Variants in ZNF713 observed in about 807,000 individuals in gnomAD.
ZNF713 encodes the protein zinc finger protein 713.
A neutral mutation model predicts 28.7 loss-of-function variants in ZNF713; 21 were observed. The observed-to-expected ratio is 0.73, with a 90% CI of 0.52 to 1.05. The LOEUF is 1.05. Among genes scored for constraint, ZNF713 ranks in the 50% least tolerant of loss-of-function variants. The pLI, the probability that ZNF713 is intolerant of heterozygous loss-of-function variation, is 0.00. For synonymous variants in ZNF713, 167 were observed against 178.0 expected (o/e 0.94, Z 0.49); for missense variants, 458 against 532.4 (o/e 0.86, Z 1.37).
chr7:55,930,078 T>G (rs1158600485), intron 6 of ZNF713, among the ~76,000 whole-genome samples: 1 of 151,968 alleles, frequency 6.6e-6, no homozygotes, highest in Admixed American at 6.6e-5. Context: ...CTTTTTTTTT[T>G]GAAATAGAGT....
At chr7:55,936,416 C>T (rs1786346890) in intron 6 of ZNF713, among the ~76,000 whole-genome samples, 1 of 152,052 alleles carries the variant, frequency 6.6e-6, no homozygotes, top group South Asian at 2.1e-4. Context: ...CAGAATTCTC[C>T]CCACCCAGTT....
At position 55,908,115 on chromosome 7, in the gene ZNF713, C is replaced by T. The variant is rs541797182; in HGVS notation, c.-456+1736C>T. 5.8e-4 allele frequency among the ~76,000 whole-genome samples: 87 copies of T among 149,856 alleles called. 1 individual carries two copies. In the South Asian group the frequency reaches 0.018, roughly 31 times the overall value. On this transcript the variant is annotated intron_variant, in intron 2 of 6. Coordinates refer to ENST00000429591, the MANE Select transcript of ZNF713 (RefSeq NM_182633.3). ...TATACATGTTTCCACTTCTCTCCAT[C>T]CTCACCAACATCCGTTGTTGTTTTT...
chr7:55,924,116 T>C (rs1209789063), intron 6 of ZNF713: 1 of 154,700 alleles, frequency 6.5e-6, no homozygotes, highest in African/African-American at 2.4e-5. Context: ...AAAAATCTTC[T>C]GCCATTTTAA....
At chr7:55,916,495 T>C (rs1785883700) in intron 4 of ZNF713, among the ~76,000 whole-genome samples, 1 of 152,254 alleles carries the variant, frequency 6.6e-6, no homozygotes, top group South Asian at 2.1e-4. Flanking sequence ...TACCCAGTTA[T>C]GCTGTTTGTT....
chr7:55,930,430 T>G (rs1008016531), intron 6 of ZNF713, among the ~76,000 whole-genome samples: 9 of 152,152 alleles, frequency 5.9e-5, no homozygotes, highest in Non-Finnish European at 8.8e-5. Flanking sequence ...TTGTTTGGTG[T>G]TGTAGGCTCT....
intron 1 of ZNF713, among the ~76,000 whole-genome samples, chr7:55,895,420 C>G (rs1785455269): frequency 7.3e-6 from 1 of 137,602 alleles, no homozygotes; most frequent in Admixed American, 7.6e-5. Context: ...CTATCTACTG[C>G]TTATTATATG....
intron 6 of ZNF713, among the ~76,000 whole-genome samples, chr7:55,938,004 G>A (rs1455074169): frequency 2.0e-5 from 3 of 152,072 alleles, no homozygotes; most frequent in African/African-American, 7.3e-5. Flanking sequence ...AGGAGTTTGA[G>A]ATCAGCCTGG....
At chr7:55,908,840 G>A (rs187257014) in intron 2 of ZNF713, among the ~76,000 whole-genome samples, 2 of 152,070 alleles carry the variant, frequency 1.3e-5, no homozygotes, top group Admixed American at 1.3e-4. Flanking sequence ...TTTCTTCCAG[G>A]TTTCTTATAG....
chr7:55,912,521 T>G (rs547563734), intron 3 of ZNF713, 114 bp from the exon 4 acceptor site: 11 of 690,316 alleles, frequency 1.6e-5, no homozygotes, highest in Non-Finnish European at 2.7e-5. Flanking sequence ...CCTTTAGGCT[T>G]ATGTCTTAGA....
chr7:55,919,296 C>T (rs1785940443), intron 4 of ZNF713, among the ~76,000 whole-genome samples: 1 of 152,104 alleles, frequency 6.6e-6, no homozygotes, highest in Non-Finnish European at 1.5e-5. Context: ...TGCTGTGTAA[C>T]AACTTCAGAA....
rs1786038947 is a variant in ZNF713 at position 55,923,631 on chromosome 7, T to C, written c.239T>C (p.Val80Ala). 2.5e-6 allele frequency: 4 copies of C among 1,608,754 alleles called. No homozygotes were observed. Among genetic ancestry groups the C allele is most frequent in the Non-Finnish European group, 3.4e-6 (4 of 1,177,294 alleles). ...GGGTATCAGCTTTGTAAGCCAGAGG[T>C]AATCGCGCAGTTGGAGCTAGAGGAA... ...ALGYQLCKPE[V>A]IAQLELEEEW... Residue 80 changes from valine to alanine, a missense_variant, in exon 6 of 7, where the codon GTA (valine) becomes GCA (alanine). Physicochemically the swap from Val to Ala is moderately conservative, Grantham distance 64. Transcript: ENST00000429591.
Position 55,940,446 on chromosome 7 carries a change from C to A in ZNF713, c.*440C>A. 1.0e-6 allele frequency: 1 copy of A among 986,870 alleles called. No homozygotes were observed. The highest frequency in any genetic ancestry group is 5.2e-4 in the Middle Eastern group (1 of 1,918). 61.1% of individuals were successfully genotyped at this position (986,870 alleles called of 1,614,324 possible). ...GCCATAAACTTTCAATGCGTAGAAA[C>A]CAAATTAATTTAGACCTTAAACTAG... is the stretch of plus-strand genomic sequence containing the variant. On this transcript the variant is annotated 3_prime_UTR_variant, in exon 7 of 7. Coordinates refer to ENST00000429591, the MANE Select transcript of ZNF713 (RefSeq NM_182633.3).
At chr7:55,899,120 G>A (rs1448628983) in intron 1 of ZNF713, among the ~76,000 whole-genome samples, 3 of 151,852 alleles carry the variant, frequency 2.0e-5, no homozygotes, top group Admixed American at 6.6e-5. Flanking sequence ...TTGGGAGGCC[G>A]AGGCGGGCAG....
intron 6 of ZNF713, among the ~76,000 whole-genome samples, chr7:55,935,736 G>T (rs564130781): frequency 8.6e-5 from 13 of 151,952 alleles, no homozygotes; most frequent in Admixed American, 2.0e-4. Context: ...GGCGGATCAT[G>T]AGGTCAGGAG....
At chr7:55,936,737 G>A (rs992598900) in intron 6 of ZNF713, among the ~76,000 whole-genome samples, 1 of 152,122 alleles carries the variant, frequency 6.6e-6, no homozygotes, top group African/African-American at 2.4e-5. Flanking sequence ...TATCATCGGT[G>A]TTTCCTGTGG....
chr7:55,900,542 G>A (rs184604252), intron 1 of ZNF713, among the ~76,000 whole-genome samples: 33 of 152,150 alleles, frequency 2.2e-4, no homozygotes, highest in East Asian at 3.9e-4. Flanking sequence ...TATATTATTC[G>A]TGACAACATA....
chr7:55,900,223 T>C (rs13232723), intron 1 of ZNF713, among the ~76,000 whole-genome samples: 7,110 of 152,174 alleles, frequency 0.047, 296 homozygotes, highest in East Asian at 0.22. Flanking sequence ...ATCGCAGCAC[T>C]TTCTGGGAGG....
intron 1 of ZNF713, among the ~76,000 whole-genome samples, chr7:55,893,911 G>A (rs969727756): frequency 2.6e-5 from 4 of 152,164 alleles, no homozygotes; most frequent in African/African-American, 7.2e-5. Context: ...CTGCCTTGGG[G>A]AAGGGGTATT....
chr7:55,933,460 TA>T (rs1315327817), intron 6 of ZNF713, among the ~76,000 whole-genome samples: 4 of 151,534 alleles, frequency 2.6e-5, no homozygotes, highest in African/African-American at 9.7e-5. Context: ...CACGCCTGGC[TA>T]ATTTTTTGTA....
Sources: gnomAD v4.1 joint callset for allele counts (sites outside exome capture counted in the v4.1 genomes callset) on GRCh38, gnomAD v4.1.1 for gene constraint, MANE v1.5 for transcripts, NCBI Gene and HGNC (gene_info 2026-07-23, HGNC 2026-07-21) for gene names.